Variants in TNIP2 observed in about 807,000 individuals in gnomAD.
The protein encoded by TNIP2 is TNFAIP3 interacting protein 2.
TNIP2 carries 30 observed loss-of-function variants against 43.7 expected under a neutral mutation model. The ratio of observed to expected loss-of-function variants is 0.69; its 90% CI spans 0.51 to 0.93. The LOEUF (loss-of-function observed/expected upper bound fraction) is 0.93. TNIP2 is among the 40% of genes least tolerant of loss of function. TNIP2 has a pLI of 0.00. For missense variants in TNIP2, 599 were observed against 591.0 expected (o/e 1.01, Z -0.14); for synonymous variants, 260 against 254.6 (o/e 1.02, Z -0.20).
chr4:2,749,511 C>A (rs1023658851), intron 1 of TNIP2, among the ~76,000 whole-genome samples: 1 of 152,200 alleles, frequency 6.6e-6, no homozygotes, highest in East Asian at 1.9e-4. Context: ...GACAGACACA[C>A]AGAGAGAAGA....
intron 5 of TNIP2, among the ~76,000 whole-genome samples, chr4:2,743,958 C>A (rs1419432802): frequency 2.0e-5 from 3 of 152,208 alleles, no homozygotes; most frequent in Non-Finnish European, 2.9e-5. Flanking sequence ...CCCTGCAAGG[C>A]CCAGCTCCAC....
Position 2,742,425 on chromosome 4 carries a change from G to A in TNIP2, c.1122C>T (p.Gly374=). The A allele has an allele frequency of 6.2e-7, 1 of 1,612,978 alleles. No individual in the cohort carries two copies. The highest frequency in any genetic ancestry group is 2.2e-5 in the East Asian group (1 of 44,814). The change falls in exon 6 of 6, where the codon GGC becomes GGT. Residue 374 remains glycine (G), a synonymous_variant. Transcript: ENST00000315423. ...ADALELMVPG[G]WRPGTGSQQP... ...GCTGGGACCCAGTCCCAGGCCTCCA[G>A]CCACCAGGCACCATAAGCTCTAATG...
intron 1 of TNIP2, among the ~76,000 whole-genome samples, chr4:2,750,247 C>T (rs916109764): frequency 2.0e-5 from 3 of 152,090 alleles, no homozygotes; most frequent in Non-Finnish European, 2.9e-5. Context: ...AGAAAAGTCA[C>T]GGAGGAGCCC....
Position 2,744,383 on chromosome 4 carries a change from C to CT in TNIP2, c.1026+3dup. On this transcript the variant is annotated splice_donor_region_variant and intron_variant, in intron 5 of 5. Transcript: ENST00000315423. The surrounding 1 kb of genome is among the most constrained non-coding windows in gnomAD (Gnocchi z 5.1). Reference sequence around the variant, plus strand: ...GCAGGAAGAAAAACGCCCTCATACTCTACCTGTCTCCAGGACACCTGGTGC... The same window carrying CT: ...GCAGGAAGAAAAACGCCCTCATACTCTTACCTGTCTCCAGGACACCTGGTGC... 6.2e-7 allele frequency: 1 copy of CT among 1,614,232 alleles called. No homozygotes were observed. Among genetic ancestry groups the CT allele is most frequent in the Non-Finnish European group, 8.5e-7 (1 of 1,180,032 alleles).
Position 2,744,495 on chromosome 4 carries a change from G to A in TNIP2, c.918C>T (p.Tyr306=), listed in dbSNP as rs577862494. Residue 306 remains tyrosine (Y), a synonymous_variant, in exon 5 of 6, where the codon TAC becomes TAT. Transcript: ENST00000315423. The surrounding 1 kb of genome is among the most constrained non-coding windows in gnomAD (Gnocchi z 5.1). ...VQMLEQQILA[Y]KDDFMSERAD... is the part of the protein sequence containing the mutation. ...CCCTTTCTGACATGAAGTCATCCTTGTAAGCGAGAATCTGAAGAGAGGCGA... is the reference window on the plus strand; with the variant it reads ...CCCTTTCTGACATGAAGTCATCCTTATAAGCGAGAATCTGAAGAGAGGCGA... The A allele has an allele frequency of 3.7e-6, 6 of 1,614,170 alleles. No individual in the cohort carries two copies. In the African/African-American group the frequency reaches 4.0e-5, roughly 11 times the overall value.
rs1721815221 is a variant in TNIP2, at chr4:2,742,365, GCCAGGATGC to G, written c.1173_1181del (p.His392_Gly394del). ...GGTCCCCCTGGCCTCTCTGGGCCGCGCCAGGATGCCCGCCCTCTGCAGGGGGTTCTGGCT... is the reference window on the plus strand; with the variant it reads ...GGTCCCCCTGGCCTCTCTGGGCCGCGCCGCCCTCTGCAGGGGGTTCTGGCT... On this transcript the variant is annotated inframe_deletion, in exon 6 of 6. Coordinates refer to ENST00000315423, the MANE Select transcript of TNIP2 (RefSeq NM_024309.4). The G allele has an allele frequency of 6.2e-7, 1 of 1,602,454 alleles. No homozygotes were observed. Among genetic ancestry groups the G allele is most frequent in the Middle Eastern group, 1.7e-4 (1 of 5,836 alleles).
chr4:2,745,908 G>A (rs1007024702), intron 2 of TNIP2: 3 of 213,894 alleles, frequency 1.4e-5, no homozygotes, highest in African/African-American at 6.9e-5. Context: ...CATTGCCAGA[G>A]ATTTGCCATT....
rs1018430796 is a variant in TNIP2 at position 2,756,032 on chromosome 4, G to C, written c.258C>G (p.Ala86=). 4 of 1,548,756 alleles carry C rather than the reference G, an allele frequency of 2.6e-6. No homozygotes were observed. The highest frequency in any genetic ancestry group is 3.5e-6 in the Non-Finnish European group (4 of 1,159,054). The change falls in exon 1 of 6, where the codon GCC becomes GCG. Residue 86 remains alanine, a synonymous_variant. Transcript: ENST00000315423. ...EQLRRQEGGA[A]EAQMRQEIER... ...CTCGTACCTGGCGCATCTGGGCCTC[G>C]GCGGCGCCGCCCTCCTGCCTTCGCA...
rs768919158 is a variant in TNIP2, at chr4:2,742,341, G to T, written c.1206C>A (p.Asp402Glu). The T allele has an allele frequency of 2.0e-5, 32 of 1,575,660 alleles. No individual in the cohort carries two copies. Among genetic ancestry groups the T allele is most frequent in the East Asian group, 6.9e-5 (3 of 43,278 alleles). ...HPGAAQRGQG[D>E]LQCPHCLQCF... Reference sequence around the variant, plus strand: ...ACTGCAGGCAGTGAGGGCACTGAAGGTCCCCCTGGCCTCTCTGGGCCGCGC... The same window carrying T: ...ACTGCAGGCAGTGAGGGCACTGAAGTTCCCCCTGGCCTCTCTGGGCCGCGC... Residue 402 changes from aspartate to glutamate, a missense_variant, in exon 6 of 6, where the codon GAC becomes GAA. Physicochemically the swap from Asp to Glu is conservative, Grantham distance 45. Coordinates refer to ENST00000315423, the MANE Select transcript of TNIP2 (RefSeq NM_024309.4).
chr4:2,745,065 G>C lies in TNIP2; in HGVS notation c.658-120C>G, dbSNP rs1721909416. The stretch of plus-strand genomic sequence containing the variant: ...CTGAGTGAGAGTTTCCTCTTAAATG[G>C]AAGCTGCCCCTCCCTGTTCTGTAGA... On this transcript the variant is annotated intron_variant, in intron 3 of 5. Coordinates refer to ENST00000315423, the MANE Select transcript of TNIP2 (RefSeq NM_024309.4). 2.3e-6 allele frequency: 3 copies of C among 1,316,774 alleles called. No homozygotes were observed. In the South Asian group the frequency reaches 4.5e-5, roughly 20 times the overall value. The allele number at this position is 1,316,774 out of a possible 1,614,324, so 81.6% of individuals were successfully genotyped here.
At chr4:2,752,153 G>C (rs992799238) in intron 1 of TNIP2, among the ~76,000 whole-genome samples, 2 of 150,202 alleles carry the variant, frequency 1.3e-5, no homozygotes, top group African/African-American at 4.9e-5. Context: ...GAAGAGAAGA[G>C]AAAAGAAAAG....
intron 1 of TNIP2, among the ~76,000 whole-genome samples, chr4:2,751,478 G>C (rs369967377): frequency 6.6e-6 from 1 of 152,160 alleles, no homozygotes; most frequent in Non-Finnish European, 1.5e-5. Context: ...CAAACTTGGT[G>C]TCTTAAACAA....
chr4:2,756,037 C>G lies in TNIP2; in HGVS notation c.253G>C (p.Ala85Pro), dbSNP rs1303645302. 2.6e-6 allele frequency: 4 copies of G among 1,548,998 alleles called. No homozygotes were observed. Among genetic ancestry groups the G allele is most frequent in the Non-Finnish European group, 2.6e-6 (3 of 1,159,166 alleles). The change falls in exon 1 of 6, where the codon GCC (alanine) becomes CCC (proline). Residue 85 changes from alanine (A) to proline (P), a missense_variant. Physicochemically the swap from Ala to Pro is conservative, Grantham distance 27. Transcript: ENST00000315423. ...ACCTGGCGCATCTGGGCCTCGGCGG[C>G]GCCGCCCTCCTGCCTTCGCAGCTGC... ...REQLRRQEGG[A>P]AEAQMRQEIE...
At chr4:2,742,556 T>G (rs1054092174) in intron 5 of TNIP2, 36 bp from the exon 6 acceptor site, 3 of 1,457,252 alleles carry the variant, frequency 2.1e-6, no homozygotes, top group Non-Finnish European at 1.8e-6. Flanking sequence ...ACGTGGGCTG[T>G]GCTGACGGTC....
chr4:2,745,448 G>T lies in TNIP2; in HGVS notation c.655C>A (p.His219Asn). 1 of 1,608,928 alleles carries T rather than the reference G, an allele frequency of 6.2e-7. No individual in the cohort carries two copies. The highest frequency in any genetic ancestry group is 8.5e-7 in the Non-Finnish European group (1 of 1,175,686). ...AACGAAATGTGAAAGACACTCACGT[G>T]AGTCACCTTCTGTTTTAACAGTCGA... is the stretch of plus-strand genomic sequence containing the variant. ...ENRLLKQKVT[H>N]VEDLNAKWQR... Residue 219 changes from histidine to asparagine, a missense_variant and splice_region_variant, in exon 3 of 6, where the codon CAC becomes AAC. Physicochemically the swap from His to Asn is moderately conservative, Grantham distance 68. Coordinates refer to ENST00000315423, the MANE Select transcript of TNIP2 (RefSeq NM_024309.4).
chr4:2,755,711 C>A (rs1350933691), intron 1 of TNIP2, among the ~76,000 whole-genome samples: 3 of 40,182 alleles, frequency 7.5e-5, no homozygotes, highest in South Asian at 1.4e-3. Context: ...ACCCGACGGC[C>A]CCTTACCCCC....
At chr4:2,748,305 A>C (rs576871182) in intron 1 of TNIP2, among the ~76,000 whole-genome samples, 2 of 151,896 alleles carry the variant, frequency 1.3e-5, no homozygotes, top group South Asian at 4.2e-4. Flanking sequence ...CCTCCTCAGT[A>C]GCTGGGATTA....
At chr4:2,745,394 TAC>T (rs1560643920) in intron 3 of TNIP2, 50 bp downstream of exon 3, 1 of 1,388,376 alleles carries the variant, frequency 7.2e-7, no homozygotes, top group East Asian at 2.3e-5. Context: ...AACCCTCACT[TAC>T]AGTTTGTAAG....
At chr4:2,745,350 G>T in intron 3 of TNIP2, 96 bp downstream of exon 3, 1 of 930,860 alleles carries the variant, frequency 1.1e-6, no homozygotes, top group South Asian at 1.5e-5. Flanking sequence ...TGGCCAGAGG[G>T]CGGGGGGCGA....
Sources: allele counts gnomAD v4.1 joint callset (sites outside exome capture counted in the v4.1 genomes callset), GRCh38; gene constraint gnomAD v4.1.1; non-coding constraint Gnocchi (gnomAD v3.1); transcripts MANE v1.5; gene names NCBI Gene and HGNC (gene_info 2026-07-23, HGNC 2026-07-21).